SLC8A1: variants seen among roughly 807,000 people sequenced by gnomAD.
The protein encoded by SLC8A1 is sodium/calcium exchanger 1.
Under a neutral mutation model 68.3 loss-of-function variants are expected in SLC8A1, and 18 were observed. That is an observed-to-expected ratio of 0.26 (90% CI 0.18 to 0.39). The LOEUF (loss-of-function observed/expected upper bound fraction) is 0.39, where lower values mean the gene tolerates loss of function less well. Ranked by LOEUF, SLC8A1 falls within the 10% of genes least tolerant of loss-of-function variation. SLC8A1 has a pLI of 1.00. For missense variants in SLC8A1, 985 were observed against 1,156.7 expected (o/e 0.85, Z 2.15); for synonymous variants, 475 against 415.5 (o/e 1.14, Z -1.74).
exon 8 of SLC8A1, chr2:40,107,436 A>C (rs1331840448): frequency 6.6e-6 from 1 of 151,990 alleles, no homozygotes; most frequent in African/African-American, 2.4e-5. Context: ...GCTTTTTTCA[A>C]CACTTTCCCA....
chr2:40,414,496 C>T (rs1478428305), intron 2 of SLC8A1, among the ~76,000 whole-genome samples: 5 of 152,114 alleles, frequency 3.3e-5, no homozygotes, highest in African/African-American at 1.2e-4. Flanking sequence ...TTAATGTTTT[C>T]AAGCTTAATT....
At chr2:40,408,625 T>A (rs771313980) in intron 2 of SLC8A1, among the ~76,000 whole-genome samples, 3 of 152,196 alleles carry the variant, frequency 2.0e-5, no homozygotes, top group Admixed American at 6.6e-5. Context: ...ACTGTGGGAA[T>A]TGAAACTACA....
intron 2 of SLC8A1, among the ~76,000 whole-genome samples, chr2:40,308,555 T>G (rs992524809): frequency 2.6e-5 from 4 of 152,120 alleles, no homozygotes; most frequent in Non-Finnish European, 5.9e-5. Context: ...AAGTGATGTT[T>G]AAGGCTCTGA....
At chr2:40,172,014 G>C (rs2047581884) in intron 4 of SLC8A1, among the ~76,000 whole-genome samples, 1 of 152,194 alleles carries the variant, frequency 6.6e-6, no homozygotes, top group African/African-American at 2.4e-5. Flanking sequence ...TTCAAATTTA[G>C]ATTTTCACAC....
In SLC8A1 at chr2:40,310,264, G is replaced by A. The variant is rs115166713; in HGVS notation, c.1808+118209C>T. ...CGAGCCTTGGATGCCATGGTCACAG[G>A]CAGCACATTTACGGTGTAGCCCTAA... On this transcript the variant is annotated intron_variant, in intron 2 of 7. Transcript: ENST00000406785. Among the ~76,000 whole-genome samples the A allele has an allele frequency of 1.5e-3, 221 of 152,312 alleles. 1 individual carries two copies. The highest frequency in any genetic ancestry group is 4.0e-3 in the African/African-American group (165 of 41,576).
chr2:40,098,152 G>T (rs2125015882), exon 8 of SLC8A1: 1 of 152,128 alleles, frequency 6.6e-6, no homozygotes, highest in Middle Eastern at 3.4e-3. Flanking sequence ...AGGAAACTAT[G>T]AATCTCTGGC....
intron 2 of SLC8A1, among the ~76,000 whole-genome samples, chr2:40,303,101 C>A (rs1451678167): frequency 6.6e-6 from 1 of 152,202 alleles, no homozygotes; most frequent in Admixed American, 6.5e-5. Context: ...TTACTACACA[C>A]TGCCAAAATC....
At chr2:40,184,177 A>T (rs990062669) in intron 2 of SLC8A1, among the ~76,000 whole-genome samples, 4 of 152,260 alleles carry the variant, frequency 2.6e-5, no homozygotes, top group Admixed American at 1.3e-4. Flanking sequence ...ACACTGTCTC[A>T]ATCAATCAAT....
chr2:40,113,434 C>T (rs1357737503), exon 8 of SLC8A1: 1 of 152,700 alleles, frequency 6.5e-6, no homozygotes, highest in East Asian at 1.9e-4. Context: ...ATAGAAACAG[C>T]TATTCTTTTT....
intron 2 of SLC8A1, among the ~76,000 whole-genome samples, chr2:40,270,356 A>G (rs2065875429): frequency 6.6e-6 from 1 of 152,228 alleles, no homozygotes; most frequent in Non-Finnish European, 1.5e-5. Flanking sequence ...CAAATTTATC[A>G]TCTTCTAGTT....
At chr2:40,113,663 T>G (rs1010006476) in exon 8 of SLC8A1, 1 of 152,460 alleles carries the variant, frequency 6.6e-6, no homozygotes, top group Non-Finnish European at 1.5e-5. Flanking sequence ...AAAAATAAAA[T>G]GAACAAACCA....
At chr2:40,473,089 A>G (rs192032563) in intron 1 of SLC8A1, among the ~76,000 whole-genome samples, 5 of 152,162 alleles carry the variant, frequency 3.3e-5, no homozygotes, top group Non-Finnish European at 7.4e-5. Flanking sequence ...TGCAATTTTC[A>G]CATTCTACTC....
At chr2:40,466,698 C>A (rs1489022871) in intron 1 of SLC8A1, among the ~76,000 whole-genome samples, 1 of 152,008 alleles carries the variant, frequency 6.6e-6, no homozygotes, top group African/African-American at 2.4e-5. Flanking sequence ...GTACCCAGGC[C>A]CATGCTGTGC....
intron 2 of SLC8A1, chr2:40,220,414 C>T (rs1017606601): frequency 6.6e-6 from 1 of 152,194 alleles, no homozygotes; most frequent in Non-Finnish European, 1.5e-5. Context: ...CAATGCTTAG[C>T]CATCATCGCC....
intron 2 of SLC8A1, among the ~76,000 whole-genome samples, chr2:40,345,864 G>A (rs904555023): frequency 2.6e-5 from 4 of 151,876 alleles, no homozygotes. Flanking sequence ...GGCAAGGGGA[G>A]GGAGAGCATT....
At chr2:40,347,947 A>G (rs1371310260) in intron 2 of SLC8A1, among the ~76,000 whole-genome samples, 1 of 152,230 alleles carries the variant, frequency 6.6e-6, no homozygotes, top group Non-Finnish European at 1.5e-5. Flanking sequence ...CCCACTTGAA[A>G]TTATAAGCAA....
At chr2:40,190,456 T>G (rs1156794824) in intron 2 of SLC8A1, 1 of 152,228 alleles carries the variant, frequency 6.6e-6, no homozygotes, top group East Asian at 1.9e-4. Flanking sequence ...ATTATCCTAG[T>G]GTTTTTCTTC....
intron 2 of SLC8A1, chr2:40,250,356 C>T (rs1385780924): frequency 2.0e-5 from 3 of 152,144 alleles, no homozygotes; most frequent in Non-Finnish European, 2.9e-5. Flanking sequence ...CAAGTACTAA[C>T]TGGAGAAAAC....
exon 2 of SLC8A1, chr2:40,429,617 A>C (rs765194173): frequency 3.1e-6 from 5 of 1,613,824 alleles, no homozygotes; most frequent in Non-Finnish European, 4.2e-6. Flanking sequence ...ATGACAGACA[A>C]AATAATGTAA....
Sources: allele counts gnomAD v4.1 joint callset (sites outside exome capture counted in the v4.1 genomes callset), GRCh38; gene constraint gnomAD v4.1.1; transcripts MANE v1.5; gene names NCBI Gene and HGNC (gene_info 2026-07-23, HGNC 2026-07-21).